TMEM135: variants seen among roughly 807,000 people sequenced by gnomAD.
TMEM135 encodes the protein transmembrane protein 135.
Under a neutral mutation model 60.3 loss-of-function variants are expected in TMEM135, and 30 were observed. The observed-to-expected ratio is 0.50, with a 90% CI of 0.37 to 0.68. The LOEUF is 0.68. Ranked by LOEUF, TMEM135 falls within the 30% of genes least tolerant of loss-of-function variation. The pLI is 0.00. For missense variants in TMEM135, 468 were observed against 548.8 expected (o/e 0.85, Z 1.47); for synonymous variants, 190 against 186.7 (o/e 1.02, Z -0.14).
At chr11:87,047,487 G>A (rs1285915824) in intron 1 of TMEM135, among the ~76,000 whole-genome samples, 1 of 151,228 alleles carries the variant, frequency 6.6e-6, no homozygotes, top group Non-Finnish European at 1.5e-5. Context: ...AGCAGGGCGA[G>A]GCACTGCCTC....
intron 5 of TMEM135, among the ~76,000 whole-genome samples, chr11:87,174,193 C>A (rs1237676458): frequency 6.6e-6 from 1 of 152,036 alleles, no homozygotes; most frequent in Non-Finnish European, 1.5e-5. Context: ...CTTAGTTGAT[C>A]CTGTCAAAGA....
chr11:87,044,636 A>C (rs1949778831), intron 1 of TMEM135, among the ~76,000 whole-genome samples: 1 of 152,020 alleles, frequency 6.6e-6, no homozygotes, highest in Admixed American at 6.6e-5. Flanking sequence ...ATCTCTTTGG[A>C]GATATAAGTC....
At chr11:87,303,390 C>T (rs137926446) in intron 8 of TMEM135, among the ~76,000 whole-genome samples, 13 of 152,288 alleles carry the variant, frequency 8.5e-5, no homozygotes, top group African/African-American at 2.9e-4. Context: ...TTCCGTGAAA[C>T]CGGTCCCTGG....
chr11:87,240,089 C>T (rs576614344), intron 6 of TMEM135, among the ~76,000 whole-genome samples: 3 of 151,990 alleles, frequency 2.0e-5, no homozygotes, highest in Non-Finnish European at 4.4e-5. Flanking sequence ...AGGTACTGTG[C>T]GAGGAGAGGG....
At chr11:87,246,815 G>A (rs1941286308) in intron 6 of TMEM135, among the ~76,000 whole-genome samples, 1 of 115,804 alleles carries the variant, frequency 8.6e-6, no homozygotes, top group African/African-American at 3.3e-5. Flanking sequence ...CTGTAGCTCA[G>A]AGTAGTTTGA....
At chr11:87,210,778 G>A (rs993402850) in intron 5 of TMEM135, among the ~76,000 whole-genome samples, 5 of 152,098 alleles carry the variant, frequency 3.3e-5, no homozygotes, top group African/African-American at 1.2e-4. Context: ...GAATCCAGCA[G>A]CACATCAAAG....
At chr11:87,267,854 G>C (rs191940497) in intron 6 of TMEM135, among the ~76,000 whole-genome samples, 217 of 152,116 alleles carry the variant, frequency 1.4e-3, no homozygotes, top group African/African-American at 4.4e-3. Context: ...ACGACGCCTG[G>C]AGAATTTTTG....
intron 4 of TMEM135, among the ~76,000 whole-genome samples, chr11:87,117,057 A>T (rs1293900867): frequency 6.6e-6 from 1 of 152,076 alleles, no homozygotes; most frequent in African/African-American, 2.4e-5. Context: ...TTCTGACCTC[A>T]TGATCCACCT....
In TMEM135 at chr11:87,214,564, CT is replaced by C. The variant is rs201376652; in HGVS notation, c.463-22062del. 1.5e-3 allele frequency among the ~76,000 whole-genome samples: 219 copies of C among 145,948 alleles called. 1 individual carries two copies. The highest frequency in any genetic ancestry group is 2.7e-3 in the Admixed American group (39 of 14,612). ...CCTATGTAGACCAGACTCTGTAACACTTTTTTTTTTTTGTATTTTCTTTTGG... is the reference window on the plus strand; with the variant it reads ...CCTATGTAGACCAGACTCTGTAACACTTTTTTTTTTTGTATTTTCTTTTGG... On this transcript the variant is annotated intron_variant, in intron 5 of 14. Coordinates refer to ENST00000305494, the MANE Select transcript of TMEM135 (RefSeq NM_022918.4).
At chr11:87,082,903 C>T (rs1282137972) in intron 3 of TMEM135, among the ~76,000 whole-genome samples, 1 of 152,114 alleles carries the variant, frequency 6.6e-6, no homozygotes, top group Non-Finnish European at 1.5e-5. Flanking sequence ...ATTTTGCATT[C>T]AGTTGTATAA....
chr11:87,232,518 G>A (rs1222671769), intron 5 of TMEM135, among the ~76,000 whole-genome samples: 1 of 152,076 alleles, frequency 6.6e-6, no homozygotes, highest in African/African-American at 2.4e-5. Context: ...AGTGACATTT[G>A]TAAACCACTG....
chr11:87,114,113 G>A (rs2135203066), intron 4 of TMEM135, among the ~76,000 whole-genome samples: 1 of 152,168 alleles, frequency 6.6e-6, no homozygotes, highest in East Asian at 1.9e-4. Context: ...TCAGCCATTT[G>A]AGGACTGAGA....
Position 87,322,129 on chromosome 11 carries a change from A to G in TMEM135, c.*796A>G, listed in dbSNP as rs1942832962. 2.2e-6 allele frequency: 1 copy of G among 453,224 alleles called. No homozygotes were observed. The highest frequency in any genetic ancestry group is 4.4e-6 in the Non-Finnish European group (1 of 226,146). 28.1% of individuals were successfully genotyped at this position (453,224 alleles called of 1,614,324 possible). A position where few individuals can be genotyped will look rare whatever the true frequency, so the allele number is the denominator to read the frequency against. On this transcript the variant is annotated 3_prime_UTR_variant, in exon 15 of 15. Coordinates refer to ENST00000305494, the MANE Select transcript of TMEM135 (RefSeq NM_022918.4). ...TTACACTTGAATATTTAAAAACAAA[A>G]CTTTTAAACTTCCTATAGGTTTATG...
In TMEM135 at chr11:87,321,855, T is replaced by G. The variant is rs1340987645; in HGVS notation, c.*522T>G. Reference sequence around the variant, plus strand: ...CTCTCCACGGACAGTGCTGCTTTCGTGTAGAGCAATTTAATTGGAGAAGTG... The same window carrying G: ...CTCTCCACGGACAGTGCTGCTTTCGGGTAGAGCAATTTAATTGGAGAAGTG... On this transcript the variant is annotated 3_prime_UTR_variant, in exon 15 of 15. Transcript: ENST00000305494. 1 of 454,448 alleles carries G rather than the reference T, an allele frequency of 2.2e-6. No homozygotes were observed. The highest frequency in any genetic ancestry group is 4.4e-6 in the Non-Finnish European group (1 of 226,752). The allele number at this position is 454,448 out of a possible 1,614,324, so 28.2% of individuals were successfully genotyped here.
At chr11:87,121,814 A>G (rs942551844) in intron 4 of TMEM135, among the ~76,000 whole-genome samples, 12 of 151,818 alleles carry the variant, frequency 7.9e-5, no homozygotes, top group African/African-American at 2.9e-4. Flanking sequence ...TAATTTTTGT[A>G]TTTTTAGTAG....
chr11:87,217,388 G>T (rs1305237298), intron 5 of TMEM135, among the ~76,000 whole-genome samples: 1 of 152,158 alleles, frequency 6.6e-6, no homozygotes, highest in African/African-American at 2.4e-5. Flanking sequence ...AAAATGATCA[G>T]TGTTTTATAA....
chr11:87,161,431 A>G (rs1159685457), intron 5 of TMEM135, among the ~76,000 whole-genome samples: 1 of 152,146 alleles, frequency 6.6e-6, no homozygotes. Context: ...ACTCTCTTAA[A>G]TTTATATATT....
Position 87,038,200 on chromosome 11 carries a change from C to T in TMEM135, c.141+14C>T. The stretch of plus-strand genomic sequence containing the variant: ...CCTCTGTACTTGGTGAGACCCGTCA[C>T]CCGTCCCGCAGGGCGAGTTTAGTCT... On this transcript the variant is annotated intron_variant, in intron 1 of 14. Coordinates refer to ENST00000305494, the MANE Select transcript of TMEM135 (RefSeq NM_022918.4). 6.2e-7 allele frequency: 1 copy of T among 1,613,964 alleles called. No individual in the cohort carries two copies. The highest frequency in any genetic ancestry group is 1.3e-5 in the African/African-American group (1 of 74,980).
intron 6 of TMEM135, among the ~76,000 whole-genome samples, chr11:87,259,697 C>T (rs1011822629): frequency 1.3e-5 from 2 of 152,164 alleles, no homozygotes; most frequent in African/African-American, 4.8e-5. Context: ...ATTTTCCCAC[C>T]ATTATCAATT....
Sources: allele counts gnomAD v4.1 joint callset (sites outside exome capture counted in the v4.1 genomes callset), GRCh38; gene constraint gnomAD v4.1.1; transcripts MANE v1.5; gene names NCBI Gene and HGNC (gene_info 2026-07-23, HGNC 2026-07-21).